Variants in ZSWIM5 observed in about 807,000 individuals in gnomAD.
The protein encoded by ZSWIM5 is zinc finger SWIM-type containing 5.
ZSWIM5 carries 55 observed loss-of-function variants against 119.6 expected under a neutral mutation model. The observed-to-expected ratio is 0.46, with a 90% CI of 0.37 to 0.58. The LOEUF (loss-of-function observed/expected upper bound fraction) is 0.58, where lower values mean the gene tolerates loss of function less well. Ranked by LOEUF, ZSWIM5 falls within the 20% of genes least tolerant of loss-of-function variation. The probability of loss-of-function intolerance (pLI) is 0.00; values close to 1 mark genes in which losing one functional copy is unlikely to be tolerated. For synonymous variants in ZSWIM5, 537 were observed against 606.9 expected, an observed-to-expected ratio of 0.88 and a Z score of 1.69; for missense variants, 1,193 against 1,512.8, an observed-to-expected ratio of 0.79 and a Z score of 3.51.
chr1:45,195,864 TTTC>T (rs1479872469), intron 1 of ZSWIM5, among the ~76,000 whole-genome samples: 1 of 151,172 alleles, frequency 6.6e-6, no homozygotes, highest in Non-Finnish European at 1.5e-5. Context: ...GGTGTTAATT[TTTC>T]TTTTTCTTTT....
At chr1:45,051,448 C>T (rs980989760) in intron 4 of ZSWIM5, among the ~76,000 whole-genome samples, 195 bp from the exon 5 acceptor site, 6 of 152,118 alleles carry the variant, frequency 3.9e-5, no homozygotes, top group African/African-American at 2.4e-5. Context: ...GAGTGACTAT[C>T]TTATTTCAAT....
At chr1:45,038,838 C>T in intron 8 of ZSWIM5, 98 bp downstream of exon 8, 1 of 1,461,742 alleles carries the variant, frequency 6.8e-7, no homozygotes, top group South Asian at 1.3e-5. Flanking sequence ...TCAAGTAATC[C>T]ACCCACCTTG....
chr1:45,085,963 G>T (rs1029725350), intron 2 of ZSWIM5, among the ~76,000 whole-genome samples: 5 of 152,042 alleles, frequency 3.3e-5, no homozygotes, highest in African/African-American at 7.2e-5. Context: ...CCAATTTTCT[G>T]TATTGGTACA....
At chr1:45,194,784 G>A (rs943943470) in intron 1 of ZSWIM5, among the ~76,000 whole-genome samples, 12 of 151,940 alleles carry the variant, frequency 7.9e-5, no homozygotes, top group Admixed American at 3.3e-4. Context: ...GGCTGAGGCA[G>A]GAGAATGGTG....
chr1:45,039,743 T>C (rs1213345413), intron 7 of ZSWIM5, among the ~76,000 whole-genome samples: 1 of 147,784 alleles, frequency 6.8e-6, no homozygotes, highest in Admixed American at 6.8e-5. Context: ...CTGCTCTTGT[T>C]GCCCAGGCTG....
intron 8 of ZSWIM5, among the ~76,000 whole-genome samples, chr1:45,038,546 A>T (rs1351002104): frequency 3.5e-5 from 5 of 144,868 alleles, no homozygotes; most frequent in Non-Finnish European, 7.5e-5. Context: ...AGGGGGAAAA[A>T]ACTTCAAAAG....
intron 4 of ZSWIM5, among the ~76,000 whole-genome samples, chr1:45,054,106 C>A (rs1301033459): frequency 6.6e-6 from 1 of 151,844 alleles, no homozygotes; most frequent in Admixed American, 6.6e-5. Context: ...ATAGTGAGAC[C>A]CTACCTCTAC....
chr1:45,079,542 G>A lies in ZSWIM5; in HGVS notation c.952+8339C>T, dbSNP rs555720434. On this transcript the variant is annotated intron_variant, in intron 2 of 13. Coordinates refer to ENST00000359600, the MANE Select transcript of ZSWIM5 (RefSeq NM_020883.2). ...TGCACTCCCCAGTGGCCCAGGGCAG[G>A]TCTAGAAAAGCCATCCAAGAGCCAA... 6.5e-4 allele frequency among the ~76,000 whole-genome samples: 99 copies of A among 152,270 alleles called. 2 individuals carry two copies. Among genetic ancestry groups the A allele is most frequent in the Admixed American group, 2.5e-3 (38 of 15,300 alleles).
intron 1 of ZSWIM5, among the ~76,000 whole-genome samples, chr1:45,101,406 G>A (rs1383440437): frequency 2.0e-5 from 3 of 152,194 alleles, no homozygotes; most frequent in Non-Finnish European, 4.4e-5. Context: ...ATGCTGGAGA[G>A]GATGTGGAGA....
intron 1 of ZSWIM5, among the ~76,000 whole-genome samples, chr1:45,172,465 G>A (rs1014652680): frequency 7.9e-5 from 12 of 151,996 alleles, no homozygotes; most frequent in Non-Finnish European, 1.0e-4. Context: ...ATTTTACTAC[G>A]TAAAAAAGCT....
chr1:45,058,745 C>T lies in ZSWIM5; in HGVS notation c.1116G>A (p.Leu372=). 2 of 1,614,026 alleles carry T rather than the reference C, an allele frequency of 1.2e-6. No individual in the cohort carries two copies. Among genetic ancestry groups the T allele is most frequent in the Non-Finnish European group, 1.7e-6 (2 of 1,180,002 alleles). ...NSMFAKVREM[L]RMRDSNGARM... ...TTGCTCCATTGGAATCTCTCATCCGCAGCATTTCTCGAACCTGACACATAA... is the reference window on the plus strand; with the variant it reads ...TTGCTCCATTGGAATCTCTCATCCGTAGCATTTCTCGAACCTGACACATAA... Residue 372 remains leucine (L), a synonymous_variant, in exon 4 of 14, where the codon CTG becomes CTA. Coordinates refer to ENST00000359600, the MANE Select transcript of ZSWIM5 (RefSeq NM_020883.2).
intron 1 of ZSWIM5, among the ~76,000 whole-genome samples, chr1:45,205,041 T>C (rs1444597010): frequency 1.3e-5 from 2 of 151,946 alleles, no homozygotes; most frequent in Admixed American, 6.6e-5. Flanking sequence ...TGAGAAGCTT[T>C]TGAAAAACCC....
intron 1 of ZSWIM5, among the ~76,000 whole-genome samples, chr1:45,146,297 T>C (rs1474086728): frequency 1.3e-5 from 2 of 151,908 alleles, no homozygotes; most frequent in East Asian, 3.9e-4. Context: ...TTTTCAGCAC[T>C]TATAACTATT....
intron 1 of ZSWIM5, among the ~76,000 whole-genome samples, chr1:45,098,568 T>C (rs1645418465): frequency 6.6e-6 from 1 of 152,086 alleles, no homozygotes; most frequent in African/African-American, 2.4e-5. Context: ...TCTACAGAAC[T>C]CTCCACCCCA....
chr1:45,193,378 T>C (rs1646102910), intron 1 of ZSWIM5, among the ~76,000 whole-genome samples: 1 of 152,148 alleles, frequency 6.6e-6, no homozygotes, highest in South Asian at 2.1e-4. Flanking sequence ...ATAAATTAGA[T>C]TGTAAATTAG....
chr1:45,162,948 G>T (rs1645872996), intron 1 of ZSWIM5, among the ~76,000 whole-genome samples: 1 of 152,244 alleles, frequency 6.6e-6, no homozygotes, highest in South Asian at 2.1e-4. Flanking sequence ...AAACATCCCT[G>T]TCTGACAGCT....
At chr1:45,095,965 C>T (rs964126627) in intron 1 of ZSWIM5, among the ~76,000 whole-genome samples, 5 of 152,134 alleles carry the variant, frequency 3.3e-5, no homozygotes, top group Admixed American at 6.5e-5. Context: ...ACAGAAACAA[C>T]CACCACAAAA....
intron 1 of ZSWIM5, among the ~76,000 whole-genome samples, chr1:45,154,302 G>A (rs973939729): frequency 2.6e-5 from 4 of 151,982 alleles, no homozygotes; most frequent in African/African-American, 7.2e-5. Context: ...GCTGGACTAA[G>A]CAAAAAGTAC....
intron 1 of ZSWIM5, among the ~76,000 whole-genome samples, chr1:45,134,931 G>C (rs1557776420): frequency 6.6e-6 from 1 of 152,166 alleles, no homozygotes; most frequent in Non-Finnish European, 1.5e-5. Flanking sequence ...TTTAAAGCCT[G>C]CATTACACAT....
Sources: allele counts gnomAD v4.1 joint callset (sites outside exome capture counted in the v4.1 genomes callset), GRCh38; gene constraint gnomAD v4.1.1; transcripts MANE v1.5; gene names NCBI Gene and HGNC (gene_info 2026-07-23, HGNC 2026-07-21).